Variants in CTNNA2 observed in about 807,000 individuals in gnomAD.
The protein encoded by CTNNA2 is catenin alpha 2.
In CTNNA2, 42 loss-of-function variants were observed where a neutral mutation model predicts 101.0. That is an observed-to-expected ratio of 0.42 (90% confidence interval 0.32 to 0.54). The LOEUF (loss-of-function observed/expected upper bound fraction) is 0.54, where lower values mean the gene tolerates loss of function less well. Ranked by LOEUF, CTNNA2 falls within the 20% of genes least tolerant of loss-of-function variation. CTNNA2 has a pLI of 0.14. For missense variants in CTNNA2, 871 were observed against 1,223.1 expected, an observed-to-expected ratio of 0.71 and a Z score of 4.29; for synonymous variants, 450 against 456.4, an observed-to-expected ratio of 0.99 and a Z score of 0.18.
intron 2 of CTNNA2, among the ~76,000 whole-genome samples, chr2:79,716,172 A>C (rs1686090369): frequency 6.6e-6 from 1 of 152,192 alleles, no homozygotes; most frequent in African/African-American, 2.4e-5. Context: ...GCAGGATGGG[A>C]ACACTCAGAT....
At chr2:79,967,486 T>C (rs771995526) in intron 7 of CTNNA2, among the ~76,000 whole-genome samples, 1 of 152,198 alleles carries the variant, frequency 6.6e-6, no homozygotes, top group Non-Finnish European at 1.5e-5. Flanking sequence ...TCTTGCCTCA[T>C]GATGACCAAT....
At chr2:80,352,748 G>A (rs1181106657) in intron 7 of CTNNA2, among the ~76,000 whole-genome samples, 2 of 152,196 alleles carry the variant, frequency 1.3e-5, no homozygotes, top group Admixed American at 6.5e-5. Flanking sequence ...AGAACTATGT[G>A]CTTCATCTAA....
intron 7 of CTNNA2, among the ~76,000 whole-genome samples, chr2:80,042,243 G>T (rs1408052016): frequency 6.6e-6 from 1 of 152,192 alleles, no homozygotes; most frequent in Non-Finnish European, 1.5e-5. Flanking sequence ...GGGATTACAG[G>T]CGTGAGCCAC....
intron 1 of CTNNA2, chr2:79,633,577 G>T (rs1028525432): frequency 2.0e-5 from 3 of 152,260 alleles, no homozygotes; most frequent in Non-Finnish European, 1.5e-5. Flanking sequence ...AGGGGCCTTT[G>T]AGAGGTGAGT....
intron 4 of CTNNA2, among the ~76,000 whole-genome samples, chr2:79,859,783 T>G (rs1038234110): frequency 6.6e-6 from 1 of 152,116 alleles, no homozygotes; most frequent in Non-Finnish European, 1.5e-5. Context: ...AATTAACCAT[T>G]TAGCTGCTGG....
chr2:79,734,850 C>T (rs1430491319), intron 2 of CTNNA2, among the ~76,000 whole-genome samples: 1 of 152,060 alleles, frequency 6.6e-6, no homozygotes, highest in Non-Finnish European at 1.5e-5. Context: ...GTATCAATTT[C>T]CTTGGTAATG....
intron 4 of CTNNA2, among the ~76,000 whole-genome samples, chr2:79,488,955 T>G (rs566905621): frequency 6.6e-6 from 1 of 152,330 alleles, no homozygotes; most frequent in East Asian, 1.9e-4. Context: ...TTCCTAAATC[T>G]AATTAACCTT....
chr2:79,423,163 C>G (rs1461039378), intron 4 of CTNNA2, among the ~76,000 whole-genome samples: 1 of 152,066 alleles, frequency 6.6e-6, no homozygotes, highest in East Asian at 1.9e-4. Flanking sequence ...TTCTGAGACC[C>G]CAGGATGTCT....
At chr2:79,754,273 C>A (rs927551731) in intron 3 of CTNNA2, among the ~76,000 whole-genome samples, 2 of 151,148 alleles carry the variant, frequency 1.3e-5, no homozygotes, top group East Asian at 1.9e-4. Flanking sequence ...ACAGAAAGTT[C>A]TCCTTCACAT....
chr2:80,188,728 A>C (rs1331366108), intron 7 of CTNNA2, among the ~76,000 whole-genome samples: 1 of 152,128 alleles, frequency 6.6e-6, no homozygotes, highest in East Asian at 1.9e-4. Context: ...CTCCACTATC[A>C]AAGACTCATG....
intron 3 of CTNNA2, among the ~76,000 whole-genome samples, chr2:79,314,157 T>C (rs1676444261): frequency 6.6e-6 from 1 of 152,172 alleles, no homozygotes; most frequent in African/African-American, 2.4e-5. Flanking sequence ...TCCCTCACTA[T>C]TGTCAGATGT....
At chr2:79,513,504 C>T (rs57067397) in intron 1 of CTNNA2, among the ~76,000 whole-genome samples, 2 of 152,160 alleles carry the variant, frequency 1.3e-5, no homozygotes, top group Non-Finnish European at 2.9e-5. Flanking sequence ...CTTCTTCCCC[C>T]CTTTCTTACC....
chr2:79,409,427 T>G (rs1678381413), intron 4 of CTNNA2, among the ~76,000 whole-genome samples: 1 of 152,250 alleles, frequency 6.6e-6, no homozygotes, highest in Non-Finnish European at 1.5e-5. Flanking sequence ...GTTTTTATGG[T>G]TTTAGGTCTA....
At chr2:80,593,151 C>G (rs1180166925) in intron 15 of CTNNA2, among the ~76,000 whole-genome samples, 1 of 152,052 alleles carries the variant, frequency 6.6e-6, no homozygotes, top group South Asian at 2.1e-4. Context: ...CATGAGATTA[C>G]CCATAGCATC....
chr2:79,713,437 A>G (rs1197186975), intron 2 of CTNNA2, among the ~76,000 whole-genome samples: 1 of 152,132 alleles, frequency 6.6e-6, no homozygotes, highest in East Asian at 1.9e-4. Flanking sequence ...CAGCAAGAGT[A>G]AAAAATAAAT....
intron 4 of CTNNA2, among the ~76,000 whole-genome samples, chr2:79,496,360 T>C (rs1671255745): frequency 6.6e-6 from 1 of 152,158 alleles, no homozygotes; most frequent in Non-Finnish European, 1.5e-5. Context: ...GTAGTTTGTA[T>C]CTTAAACACA....
chr2:80,157,942 T>G (rs577375966), intron 7 of CTNNA2, among the ~76,000 whole-genome samples: 1 of 152,302 alleles, frequency 6.6e-6, no homozygotes, highest in Admixed American at 6.5e-5. Flanking sequence ...CCCTTTCCCA[T>G]TCATGGAAAT....
chr2:79,494,339 T>C (rs1023582466), intron 4 of CTNNA2, among the ~76,000 whole-genome samples: 4 of 151,656 alleles, frequency 2.6e-5, no homozygotes, highest in African/African-American at 9.7e-5. Context: ...ATGCAGGGGA[T>C]CTAGAATAGC....
intron 7 of CTNNA2, among the ~76,000 whole-genome samples, chr2:80,318,650 A>G (rs1337022046): frequency 2.0e-5 from 3 of 152,182 alleles, no homozygotes; most frequent in African/African-American, 7.2e-5. Context: ...GTTTATTTTT[A>G]ACTTATTTAT....
Sources: gnomAD v4.1 joint callset for allele counts (sites outside exome capture counted in the v4.1 genomes callset) on GRCh38, gnomAD v4.1.1 for gene constraint, MANE v1.5 for transcripts, NCBI Gene and HGNC (gene_info 2026-07-23, HGNC 2026-07-21) for gene names.